SLC39A5: variants seen among roughly 807,000 people sequenced by gnomAD.
SLC39A5 encodes solute carrier family 39 member 5.
SLC39A5 carries 42 observed loss-of-function variants against 46.9 expected under a neutral mutation model. The observed-to-expected ratio is 0.90, with a 90% confidence interval of 0.70 to 1.16. The LOEUF is 1.16. SLC39A5 is among the 50% of genes most tolerant of loss of function. The pLI, the probability that SLC39A5 is intolerant of heterozygous loss-of-function variation, is 0.00. For missense variants in SLC39A5, 677 were observed against 686.8 expected (o/e 0.99, Z 0.16); for synonymous variants, 311 against 323.1 (o/e 0.96, Z 0.40).
intron 7 of SLC39A5, 54 bp from the exon 8 acceptor site, chr12:56,235,506 G>C: frequency 6.3e-7 from 1 of 1,581,198 alleles, no homozygotes; most frequent in South Asian, 1.1e-5. Context: ...CATGCAAGGG[G>C]ATGTTGTTGG....
chr12:56,237,444 C>T (rs891983614), intron 12 of SLC39A5, 104 bp downstream of exon 12: 148 of 1,526,610 alleles, frequency 9.7e-5, no homozygotes, highest in Non-Finnish European at 1.2e-4. Flanking sequence ...CCTGGAAGGG[C>T]GTCAGACCAT....
intron 7 of SLC39A5, 96 bp downstream of exon 7, chr12:56,235,422 T>C (rs1870645394): frequency 6.6e-7 from 1 of 1,507,212 alleles, no homozygotes; most frequent in Non-Finnish European, 8.8e-7. Context: ...AGCTCCCATA[T>C]CCTACTCCCA....
intron 5 of SLC39A5, 94 bp downstream of exon 5, chr12:56,232,966 T>A (rs7961437): frequency 1.5e-6 from 2 of 1,348,620 alleles, no homozygotes; most frequent in Non-Finnish European, 1.0e-6. Context: ...GTTTTGTTTT[T>A]AAATCCCAAC....
chr12:56,232,637 C>T (rs10219685), intron 4 of SLC39A5, 52 bp from the exon 5 acceptor site: 8 of 1,492,114 alleles, frequency 5.4e-6, no homozygotes, highest in Non-Finnish European at 7.1e-6. Flanking sequence ...CCTCTCAAAG[C>T]GGGTTGATAG....
Position 56,236,572 on chromosome 12 carries a change from C to T in SLC39A5, c.1043-10C>T, listed in dbSNP as rs375661612. On this transcript the variant is annotated splice_polypyrimidine_tract_variant and intron_variant, in intron 9 of 12. Transcript: ENST00000454355. The stretch of plus-strand genomic sequence containing the variant: ...CAGCCACCAACACTGTCCTGTGCTT[C>T]TTCCCGCAGAGCCAGGGGCTCAGGG... The T allele has an allele frequency of 1.2e-5, 19 of 1,612,840 alleles. No homozygotes were observed. In the African/African-American group the frequency reaches 2.3e-4, roughly 19 times the overall value.
At chr12:56,235,504 G>T in intron 7 of SLC39A5, 56 bp from the exon 8 acceptor site, 4 of 1,579,560 alleles carry the variant, frequency 2.5e-6, no homozygotes, top group African/African-American at 1.4e-5. Flanking sequence ...TCCATGCAAG[G>T]GGATGTTGTT....
At chr12:56,237,048 A>C in intron 11 of SLC39A5, 37 bp downstream of exon 11, 1 of 1,613,596 alleles carries the variant, frequency 6.2e-7, no homozygotes, top group African/African-American at 1.3e-5. Flanking sequence ...TGGACTCCAG[A>C]AAGGAGATAG....
At position 56,235,649 on chromosome 12, in the gene SLC39A5, CT is replaced by C. The variant is rs1423178598; in HGVS notation, c.897del (p.Phe299LeufsTer104). 2 of 1,614,010 alleles carry C rather than the reference CT, an allele frequency of 1.2e-6. No individual in the cohort carries two copies. Among genetic ancestry groups the C allele is most frequent in the African/African-American group, 2.7e-5 (2 of 74,928 alleles). ...LSVLGGLFLL[F>X]VLENMLGLLR... Reference sequence around the variant, plus strand: ...CAGTGCTCGGAGGCCTCTTCCTGCTCTTTGTGCTGGAGAACATGCTGGGGCT... The same window carrying C: ...CAGTGCTCGGAGGCCTCTTCCTGCTCTTGTGCTGGAGAACATGCTGGGGCT... On this transcript the variant is annotated frameshift_variant, in exon 8 of 13. Coordinates refer to ENST00000454355, the MANE Select transcript of SLC39A5 (RefSeq NM_173596.3). LOFTEE classifies it high-confidence loss of function.
At chr12:56,231,692 G>A (rs1175823971) in intron 4 of SLC39A5, 131 bp downstream of exon 4, 1 of 957,918 alleles carries the variant, frequency 1.0e-6, no homozygotes, top group South Asian at 2.1e-5. Context: ...GAGCTCCTTG[G>A]TATCTCTTCA....
In SLC39A5 at chr12:56,236,687, T is replaced by C; in HGVS notation, c.1148T>C (p.Ile383Thr). 1.2e-6 allele frequency: 2 copies of C among 1,613,074 alleles called. No individual in the cohort carries two copies. The highest frequency in any genetic ancestry group is 1.7e-6 in the Non-Finnish European group (2 of 1,179,358). The change falls in exon 10 of 13, where the codon ATC becomes ACC. Residue 383 changes from isoleucine to threonine, a missense_variant. Coordinates refer to ENST00000454355, the MANE Select transcript of SLC39A5 (RefSeq NM_173596.3). Reference sequence around the variant, plus strand: ...CATGGGCACCAGGGTGGCACTGATATCACGTGGATGGTCCTCCTGGGAGAT... The same window carrying C: ...CATGGGCACCAGGGTGGCACTGATACCACGTGGATGGTCCTCCTGGGAGAT... ...HSHGHQGGTD[I>T]TWMVLLGDGL...
At position 56,235,164 on chromosome 12, in the gene SLC39A5, T is replaced by A; in HGVS notation, c.642T>A (p.Leu214=). Residue 214 remains leucine (L), a synonymous_variant, in exon 7 of 13, where the codon CTT becomes CTA. Coordinates refer to ENST00000454355, the MANE Select transcript of SLC39A5 (RefSeq NM_173596.3). ...APPGDLLSAL[L]QSALAVLLLS... is the part of the protein sequence containing the mutation. ...GCCCCTGATTCTCCCCAGCCCTGCT[T>A]CAGAGTGCCCTGGCAGTCCTGTTGC... is the stretch of plus-strand genomic sequence containing the variant. 2.6e-6 allele frequency: 4 copies of A among 1,549,532 alleles called. No homozygotes were observed. The highest frequency in any genetic ancestry group is 3.5e-6 in the Non-Finnish European group (4 of 1,149,400).
chr12:56,233,744 G>C (rs979806469), intron 5 of SLC39A5, among the ~76,000 whole-genome samples: 2 of 152,200 alleles, frequency 1.3e-5, no homozygotes, highest in Admixed American at 6.5e-5. Context: ...AGACAAAGCT[G>C]CCTAACCCTG....
Position 56,234,937 on chromosome 12 carries a change from C to G in SLC39A5, c.585C>G (p.Arg195=). 1 of 1,613,720 alleles carries G rather than the reference C, an allele frequency of 6.2e-7. No homozygotes were observed. The highest frequency in any genetic ancestry group is 8.5e-7 in the Non-Finnish European group (1 of 1,180,034). Residue 195 remains arginine (R), a synonymous_variant, in exon 6 of 13, where the codon CGC becomes CGG. Coordinates refer to ENST00000454355, the MANE Select transcript of SLC39A5 (RefSeq NM_173596.3). The part of the protein sequence containing the change: ...CPALLYQIDS[R]VCIGAPAPAP... ...CCCTGCTTTATCAGATCGACAGCCG[C>G]GTCTGCATCGGCGCTCCGGCCCCTG...
rs768850888 is a variant in SLC39A5, at chr12:56,237,191, C to T, written c.1330C>T (p.Arg444Trp). The change falls in exon 12 of 13, where the codon CGG becomes TGG. Residue 444 changes from arginine (R) to tryptophan (W), a missense_variant. Arg to Trp is a moderately radical substitution (Grantham distance 101). Transcript: ENST00000454355. The part of the protein sequence containing the change: ...MLLQSGLSFR[R>W]LLLLSLVSGA... ...GCTCCAGTCAGGGCTGTCCTTTCGG[C>T]GGCTGCTGCTGCTGAGCCTCGTGTC... 31 of 1,613,592 alleles carry T rather than the reference C, an allele frequency of 1.9e-5. 1 individual carries two copies. The East Asian group carries it at 4.2e-4, about 22-fold the overall frequency.
At position 56,235,226 on chromosome 12, in the gene SLC39A5, G is replaced by A. The variant is rs199798244; in HGVS notation, c.704G>A (p.Arg235Gln). 19 of 1,584,912 alleles carry A rather than the reference G, an allele frequency of 1.2e-5. No individual in the cohort carries two copies. Among genetic ancestry groups the A allele is most frequent in the African/African-American group, 5.4e-5 (4 of 73,930 alleles). The part of the protein sequence containing the change: ...LPSPLSLLLL[R>Q]LLGPRLLRPL... ...TCTCCCCTATCCCTGCTGCTGCTGC[G>A]GCTCCTGGGACCTCGTCTACTACGG... is the stretch of plus-strand genomic sequence containing the variant. Residue 235 changes from arginine (R) to glutamine (Q), a missense_variant, in exon 7 of 13, where the codon CGG becomes CAG. Transcript: ENST00000454355.
rs776576355 is a variant in SLC39A5, at chr12:56,237,310, G to C, written c.1449G>C (p.Gly483=). The change falls in exon 12 of 13, where the codon GGG becomes GGC. Residue 483 remains glycine, a synonymous_variant. Transcript: ENST00000454355. ...LTPWVFGVTA[G]VFLYVALVDM... is the part of the protein sequence containing the mutation. ...CCTGGGTGTTTGGGGTCACTGCTGG[G>C]GTCTTCCTCTATGTGGCCCTTGTGG... 1.9e-6 allele frequency: 3 copies of C among 1,607,976 alleles called. No homozygotes were observed. The highest frequency in any genetic ancestry group is 2.5e-6 in the Non-Finnish European group (3 of 1,176,882).
intron 4 of SLC39A5, 93 bp from the exon 5 acceptor site, chr12:56,232,596 G>T: frequency 8.6e-7 from 1 of 1,160,076 alleles, no homozygotes. Flanking sequence ...TCAGTGGCTA[G>T]TCCCCCCATT....
chr12:56,231,685 C>T lies in SLC39A5; in HGVS notation c.287+124C>T, dbSNP rs1376137988. 1.2e-5 allele frequency: 12 copies of T among 1,028,286 alleles called. No individual in the cohort carries two copies. In the Admixed American group the frequency reaches 2.9e-4, roughly 25 times the overall value. 63.7% of individuals were successfully genotyped at this position (1,028,286 alleles called of 1,614,324 possible). ...GAGTTACAAATTCTTCAGAACCGAG[C>T]TCCTTGGTATCTCTTCAAAACCTCT... On this transcript the variant is annotated intron_variant, in intron 4 of 12. Coordinates refer to ENST00000454355, the MANE Select transcript of SLC39A5 (RefSeq NM_173596.3).
In SLC39A5 at chr12:56,237,592, C is replaced by G; in HGVS notation, c.1484C>G (p.Pro495Arg). The G allele has an allele frequency of 6.2e-7, 1 of 1,613,784 alleles. No homozygotes were observed. The highest frequency in any genetic ancestry group is 1.1e-5 in the South Asian group (1 of 91,084). ...GACATCCTCTTTTTCTTTCAGCTACCAGCCCTGCTTCGTCCTCCGGAGCCC... is the reference window on the plus strand; with the variant it reads ...GACATCCTCTTTTTCTTTCAGCTACGAGCCCTGCTTCGTCCTCCGGAGCCC... ...FLYVALVDML[P>R]ALLRPPEPLP... The change falls in exon 13 of 13, where the codon CCA becomes CGA. Residue 495 changes from proline (P) to arginine (R), a missense_variant. Transcript: ENST00000454355.
Sources: allele counts gnomAD v4.1 joint callset (sites outside exome capture counted in the v4.1 genomes callset), GRCh38; gene constraint gnomAD v4.1.1; transcripts MANE v1.5; gene names NCBI Gene and HGNC (gene_info 2026-07-23, HGNC 2026-07-21).